The following ATP13A5 variants were observed in gnomAD, a reference collection of about 807,000 sequenced individuals.
ATP13A5 encodes the protein ATPase 13A5.
Under a neutral mutation model 150.2 loss-of-function variants are expected in ATP13A5, and 149 were observed. The observed-to-expected ratio is 0.99, with a 90% CI of 0.87 to 1.14. The LOEUF is 1.14. Among genes scored for constraint, ATP13A5 ranks in the 50% most tolerant of loss-of-function variants. The pLI, the probability that ATP13A5 is intolerant of heterozygous loss-of-function variation, is 0.00. For synonymous variants in ATP13A5, 497 were observed against 522.2 expected, an observed-to-expected ratio of 0.95 and a Z score of 0.66; for missense variants, 1,383 against 1,449.3, an observed-to-expected ratio of 0.95 and a Z score of 0.74.
At chr3:193,344,598 GTC>G (rs1560143011) in intron 8 of ATP13A5, among the ~76,000 whole-genome samples, 1 of 152,170 alleles carries the variant, frequency 6.6e-6, no homozygotes, top group East Asian at 1.9e-4. Flanking sequence ...GTGATGCAGG[GTC>G]TGTTTGGGAT....
At chr3:193,291,689 C>A (rs1172875842) in intron 25 of ATP13A5, among the ~76,000 whole-genome samples, 2 of 151,960 alleles carry the variant, frequency 1.3e-5, no homozygotes, top group African/African-American at 4.8e-5. Context: ...CATAATGAAA[C>A]CCTAATAAAA....
chr3:193,333,738 C>A lies in ATP13A5; in HGVS notation c.1272+12G>T. On this transcript the variant is annotated intron_variant, in intron 11 of 29. Coordinates refer to ENST00000342358, the MANE Select transcript of ATP13A5 (RefSeq NM_198505.4). Reference sequence around the variant, plus strand: ...ATCTATACTATTGAAAAGCCTTACCCCCAGTACTTACTCCATGGTACATAT... The same window carrying A: ...ATCTATACTATTGAAAAGCCTTACCACCAGTACTTACTCCATGGTACATAT... 3 of 1,611,932 alleles carry A rather than the reference C, an allele frequency of 1.9e-6. No individual in the cohort carries two copies. The highest frequency in any genetic ancestry group is 3.3e-5 in the Admixed American group (2 of 59,758).
At chr3:193,296,489 G>A (rs1341482423) in intron 25 of ATP13A5, among the ~76,000 whole-genome samples, 1 of 152,124 alleles carries the variant, frequency 6.6e-6, no homozygotes, top group East Asian at 1.9e-4. Context: ...GAGATCAGAT[G>A]GTTGTACATG....
At chr3:193,324,101 G>C (rs879016534) in intron 14 of ATP13A5, 1 of 152,012 alleles carries the variant, frequency 6.6e-6, no homozygotes, top group Admixed American at 6.6e-5. Context: ...TACAGATGAG[G>C]TCACAGACTC....
At chr3:193,333,576 T>C (rs1308174886) in intron 11 of ATP13A5, among the ~76,000 whole-genome samples, 174 bp downstream of exon 11, 1 of 152,194 alleles carries the variant, frequency 6.6e-6, no homozygotes, top group East Asian at 1.9e-4. Context: ...AGATATTACC[T>C]AAACACTGGG....
intron 9 of ATP13A5, among the ~76,000 whole-genome samples, chr3:193,337,949 T>A (rs1438564536): frequency 6.6e-6 from 1 of 152,194 alleles, no homozygotes; most frequent in East Asian, 1.9e-4. Context: ...GTCCTTCACA[T>A]CCCTTGTAAG....
intron 26 of ATP13A5, among the ~76,000 whole-genome samples, chr3:193,289,578 A>G (rs116633513): frequency 0.032 from 4,940 of 152,184 alleles, 203 homozygotes; most frequent in African/African-American, 0.096. Context: ...CCTATTTACT[A>G]TCCGGCCCTC....
intron 5 of ATP13A5, among the ~76,000 whole-genome samples, chr3:193,362,048 T>C (rs1317291690): frequency 1.3e-5 from 2 of 152,178 alleles, no homozygotes; most frequent in African/African-American, 4.8e-5. Flanking sequence ...TCATTCTGTC[T>C]CTCCCAGGAT....
At position 193,363,271 on chromosome 3, in the gene ATP13A5, C is replaced by G; in HGVS notation, c.349G>C (p.Val117Leu). The change falls in exon 3 of 30, where the codon GTC becomes CTC. Residue 117 changes from valine (V) to leucine (L), a missense_variant. Around this residue, in one of 3 missense-constraint regions of ATP13A5, gnomAD observed 787 missense variants for 771.9 expected, o/e 1.02. Transcript: ENST00000342358. ...GGCTTTATTAAGGCTTGGTTTATGA[C>G]AGAGTGGCGGTCAGCCACCAGGGAT... Reference protein sequence around the residue: ...EESLVADRHSVINQALIKPEL... With the variant: ...EESLVADRHSLINQALIKPEL... 6.2e-7 allele frequency: 1 copy of G among 1,613,890 alleles called. No individual in the cohort carries two copies. Among genetic ancestry groups the G allele is most frequent in the Non-Finnish European group, 8.5e-7 (1 of 1,179,798 alleles).
Position 193,344,042 on chromosome 3 carries a change from C to T in ATP13A5, c.828G>A (p.Leu276=), listed in dbSNP as rs766676736. The part of the protein sequence containing the change: ...IIVKDKGLEE[L]ESRLLVPGDI... ...CTCCGGGAACCAAGAGACGGGATTC[C>T]AGCTCCTCCAAACCTACACCAAAGC... Residue 276 remains leucine (L), a synonymous_variant, in exon 9 of 30, where the codon CTG becomes CTA. Transcript: ENST00000342358. 2 of 1,613,028 alleles carry T rather than the reference C, an allele frequency of 1.2e-6. No individual in the cohort carries two copies. The highest frequency in any genetic ancestry group is 1.7e-6 in the Non-Finnish European group (2 of 1,179,414).
rs773052920 is a variant in ATP13A5 at position 193,343,903 on chromosome 3, G to T, written c.943+24C>A. 7.5e-6 allele frequency: 12 copies of T among 1,607,314 alleles called. No homozygotes were observed. The Admixed American group carries it at 2.0e-4, about 27-fold the overall frequency. ...CTGATTAGATGTCAGACAGGGAAGA[G>T]GAAGCTCCATGACAACTGCCTACCT... On this transcript the variant is annotated intron_variant, in intron 9 of 29. Coordinates refer to ENST00000342358, the MANE Select transcript of ATP13A5 (RefSeq NM_198505.4).
intron 5 of ATP13A5, among the ~76,000 whole-genome samples, chr3:193,361,703 A>G (rs1713011168): frequency 1.3e-5 from 2 of 152,186 alleles, no homozygotes; most frequent in Non-Finnish European, 2.9e-5. Flanking sequence ...TAATAGCATA[A>G]GCATTTCCTA....
At chr3:193,318,911 A>T in intron 17 of ATP13A5, 80 bp downstream of exon 17, 5 of 970,760 alleles carry the variant, frequency 5.2e-6, no homozygotes, top group Non-Finnish European at 8.3e-6. Flanking sequence ...AGGTGATTAG[A>T]ACTGTTCATC....
At chr3:193,375,789 C>A (rs1311223352) in intron 1 of ATP13A5, among the ~76,000 whole-genome samples, 1 of 152,114 alleles carries the variant, frequency 6.6e-6, no homozygotes, top group Non-Finnish European at 1.5e-5. Flanking sequence ...CAGTGCAAGG[C>A]TTTATCTCCA....
intron 27 of ATP13A5, 57 bp from the exon 28 acceptor site, chr3:193,279,511 GCA>G: frequency 7.1e-7 from 1 of 1,405,242 alleles, no homozygotes; most frequent in Admixed American, 1.7e-5. Flanking sequence ...ATATAATTTG[GCA>G]CACATTGCAG....
At chr3:193,346,174 C>A (rs1489732582) in intron 7 of ATP13A5, among the ~76,000 whole-genome samples, 1 of 151,944 alleles carries the variant, frequency 6.6e-6, no homozygotes, top group Admixed American at 6.6e-5. Flanking sequence ...CTTATAGAGC[C>A]CTCTGTGTAG....
At chr3:193,320,082 G>GTACC (rs1273552423) in intron 16 of ATP13A5, among the ~76,000 whole-genome samples, 2 of 152,196 alleles carry the variant, frequency 1.3e-5, no homozygotes, top group African/African-American at 4.8e-5. Flanking sequence ...GATTTATAAC[G>GTACC]TACCTATAAG....
intron 1 of ATP13A5, among the ~76,000 whole-genome samples, chr3:193,377,630 A>G (rs1713688250): frequency 6.6e-6 from 1 of 152,192 alleles, no homozygotes; most frequent in Non-Finnish European, 1.5e-5. Flanking sequence ...TTTTCCTTAG[A>G]GTAGCAAACA....
At chr3:193,356,855 G>A (rs1043560252) in intron 5 of ATP13A5, among the ~76,000 whole-genome samples, 3 of 151,022 alleles carry the variant, frequency 2.0e-5, no homozygotes, top group Non-Finnish European at 2.9e-5. Context: ...TTGCTCTGTC[G>A]CCCAGGCTGG....
Sources: allele counts gnomAD v4.1 joint callset (sites outside exome capture counted in the v4.1 genomes callset), GRCh38; gene constraint gnomAD v4.1.1; regional missense constraint gnomAD v4.1.1; transcripts MANE v1.5; gene names NCBI Gene and HGNC (gene_info 2026-07-23, HGNC 2026-07-21).